The following INTS6 variants were observed in gnomAD, a reference collection of about 807,000 sequenced individuals.
The protein encoded by INTS6 is DEAD box protein.
INTS6 carries 16 observed loss-of-function variants against 104.9 expected under a neutral mutation model. That is an observed-to-expected ratio of 0.15 (90% CI 0.10 to 0.23). The LOEUF is 0.23. INTS6 is among the 10% of genes least tolerant of loss of function. INTS6 has a pLI of 1.00. For synonymous variants in INTS6, 324 were observed against 358.7 expected (o/e 0.90, Z 1.09); for missense variants, 584 against 1,062.8 (o/e 0.55, Z 6.26).
chr13:51,346,709 C>T, the INTS6 span, among the ~76,000 whole-genome samples: 12 of 152,160 alleles, frequency 7.9e-5, no homozygotes, highest in African/African-American at 2.9e-4. Context: ...GAGCCTCTGA[C>T]TCTGGCCCTG....
At chr13:51,375,267 G>T (rs150777049) in intron 13 of INTS6, among the ~76,000 whole-genome samples, 2 of 150,492 alleles carry the variant, frequency 1.3e-5, no homozygotes, top group African/African-American at 4.9e-5. Flanking sequence ...GAGGAGAATC[G>T]CTTGAACCCA....
intron 4 of INTS6, among the ~76,000 whole-genome samples, chr13:51,411,029 T>C (rs896693265): frequency 1.3e-5 from 2 of 151,228 alleles, no homozygotes; most frequent in African/African-American, 2.4e-5. Context: ...TTGGCCAACA[T>C]AGTGAAACCC....
intron 5 of INTS6, among the ~76,000 whole-genome samples, chr13:51,392,605 T>C (rs1956263901): frequency 6.6e-6 from 1 of 152,188 alleles, no homozygotes; most frequent in African/African-American, 2.4e-5. Flanking sequence ...AACTCCATTA[T>C]TCAGGTCTCT....
chr13:51,435,854 A>T (rs1957177212), intron 3 of INTS6, among the ~76,000 whole-genome samples: 1 of 152,062 alleles, frequency 6.6e-6, no homozygotes, highest in South Asian at 2.1e-4. Context: ...AGGTTCATTA[A>T]ATTATAGGGA....
chr13:51,436,618 G>GT (rs1230812100), intron 3 of INTS6: 5 of 152,100 alleles, frequency 3.3e-5, no homozygotes, highest in African/African-American at 9.6e-5. Flanking sequence ...GTAAGAAATC[G>GT]TAAGTCACCA....
chr13:51,422,175 TTGTC>T (rs1397852825), intron 4 of INTS6, among the ~76,000 whole-genome samples: 10 of 152,172 alleles, frequency 6.6e-5, no homozygotes, highest in South Asian at 6.2e-4. Flanking sequence ...TAATGATACT[TTGTC>T]TGTCAATTAC....
At chr13:51,438,612 T>G (rs1390140142) in intron 3 of INTS6, 1 of 152,210 alleles carries the variant, frequency 6.6e-6, no homozygotes, top group African/African-American at 2.4e-5. Context: ...AAAAATAAAA[T>G]TTAAAATAAA....
chr13:51,414,865 C>T (rs2138046748), intron 4 of INTS6, among the ~76,000 whole-genome samples: 1 of 151,246 alleles, frequency 6.6e-6, no homozygotes, highest in Non-Finnish European at 1.5e-5. Flanking sequence ...CACACACACA[C>T]ACACAGTTCT....
chr13:51,384,466 A>C (rs1315866878), intron 7 of INTS6: 1 of 344,658 alleles, frequency 2.9e-6, no homozygotes, highest in East Asian at 7.7e-5. Flanking sequence ...AAAGGACTCT[A>C]TTGGCCTCAG....
intron 4 of INTS6, among the ~76,000 whole-genome samples, chr13:51,411,943 A>G (rs1251937307): frequency 6.6e-6 from 1 of 152,252 alleles, no homozygotes; most frequent in Non-Finnish European, 1.5e-5. Context: ...AGCAAACTGT[A>G]GTATAGCCAT....
In INTS6 at chr13:51,374,793, T is replaced by C; in HGVS notation, c.1733A>G (p.Gln578Arg). The change falls in exon 14 of 18, where the codon CAA becomes CGA. Residue 578 changes from glutamine (Q) to arginine (R), a missense_variant. By Grantham distance (43) the Gln-to-Arg change is conservative. Coordinates refer to ENST00000311234, the MANE Select transcript of INTS6 (RefSeq NM_012141.3). ...TTGTGCTATAGGAACACTGTGCACT[T>C]GATCTTTCAAAAAGAATACAACAGC... ...RRFLKGQDED[Q>R]VHSVPIAQMG... is the part of the protein sequence containing the mutation. 6.2e-7 allele frequency: 1 copy of C among 1,611,124 alleles called. No individual in the cohort carries two copies. Among genetic ancestry groups the C allele is most frequent in the South Asian group, 1.1e-5 (1 of 90,270 alleles).
At chr13:51,427,715 C>T (rs773714864) in intron 4 of INTS6, among the ~76,000 whole-genome samples, 1 of 152,112 alleles carries the variant, frequency 6.6e-6, no homozygotes, top group Non-Finnish European at 1.5e-5. Flanking sequence ...TAATAAGGTG[C>T]AACGGTAATC....
intron 3 of INTS6, chr13:51,449,564 A>G: frequency 1.0e-6 from 1 of 985,140 alleles, no homozygotes; most frequent in Non-Finnish European, 1.2e-6. Context: ...ATGCAGAAAA[A>G]GAGGAAACTA....
chr13:51,366,622 T>C (rs1003149473), intron 17 of INTS6, among the ~76,000 whole-genome samples: 1 of 151,974 alleles, frequency 6.6e-6, no homozygotes, highest in African/African-American at 2.4e-5. Flanking sequence ...GGGATATAAA[T>C]TCCTAATGAG....
chr13:51,348,295 G>A, the INTS6 span: 1 of 1,612,340 alleles, frequency 6.2e-7, no homozygotes, highest in African/African-American at 1.3e-5. Context: ...TGTTCCTGGT[G>A]CTGCCCCGTG....
At chr13:51,347,419 G>C in the INTS6 span, among the ~76,000 whole-genome samples, 1 of 152,148 alleles carries the variant, frequency 6.6e-6, no homozygotes, top group Non-Finnish European at 1.5e-5. Flanking sequence ...GAGGAGTGTG[G>C]GACAGTGTGC....
chr13:51,400,860 C>T (rs1422675251), intron 4 of INTS6, among the ~76,000 whole-genome samples: 2 of 151,946 alleles, frequency 1.3e-5, no homozygotes, highest in African/African-American at 2.4e-5. Context: ...AGACTACACA[C>T]TATCAATCTG....
Position 51,389,315 on chromosome 13 carries a change from A to C in INTS6, c.739+4T>G, listed in dbSNP as rs1401913633. ...GAATGTCTAAAAGAAAAGTGCAATA[A>C]TACCTTCTACAGGGGAAGGATCTGG... On this transcript the variant is annotated splice_donor_region_variant and intron_variant, in intron 6 of 17. Transcript: ENST00000311234. The C allele has an allele frequency of 3.1e-6, 5 of 1,609,118 alleles. No individual in the cohort carries two copies.
chr13:51,355,775 C>T (rs1415167064), intron 3 of INTS6, among the ~76,000 whole-genome samples: 1 of 152,056 alleles, frequency 6.6e-6, no homozygotes, highest in Non-Finnish European at 1.5e-5. Flanking sequence ...GGAGTGAATG[C>T]CAGAACCTAT....
Sources: gnomAD v4.1 joint callset for allele counts (sites outside exome capture counted in the v4.1 genomes callset) on GRCh38, gnomAD v4.1.1 for gene constraint, MANE v1.5 for transcripts, NCBI Gene and HGNC (gene_info 2026-07-23, HGNC 2026-07-21) for gene names.